The following ARL8B variants were observed in gnomAD, a reference collection of about 807,000 sequenced individuals.
ARL8B encodes ADP-ribosylation factor-like protein 8B.
In ARL8B, 9 loss-of-function variants were observed where a neutral mutation model predicts 30.6. That is an observed-to-expected ratio of 0.29 (90% CI 0.18 to 0.51). The LOEUF is 0.51. Ranked by LOEUF, ARL8B falls within the 20% of genes least tolerant of loss-of-function variation. The probability of loss-of-function intolerance (pLI) is 0.97; values close to 1 mark genes in which losing one functional copy is unlikely to be tolerated. For missense variants in ARL8B, 130 were observed against 227.2 expected (o/e 0.57, Z 2.75); for synonymous variants, 74 against 76.0 (o/e 0.97, Z 0.14).
At chr3:5,154,820 C>T (rs2054518043) in intron 1 of ARL8B, among the ~76,000 whole-genome samples, 1 of 152,224 alleles carries the variant, frequency 6.6e-6, no homozygotes, top group South Asian at 2.1e-4. Flanking sequence ...ATGTGATTCT[C>T]CTGTCTCAGC....
chr3:5,170,694 T>A, intron 2 of ARL8B, 111 bp downstream of exon 2: 1 of 690,646 alleles, frequency 1.4e-6, no homozygotes, highest in East Asian at 2.9e-5. Flanking sequence ...CAGTAATGAA[T>A]GTGCATGTTT....
At chr3:5,172,370 G>A (rs1473722587) in intron 3 of ARL8B, 147 bp downstream of exon 3, 3 of 726,602 alleles carry the variant, frequency 4.1e-6, no homozygotes, top group Non-Finnish European at 6.8e-6. Context: ...TCCCAACATG[G>A]GATTTAAAAA....
chr3:5,134,761 A>T lies in ARL8B; in HGVS notation c.123+12173A>T, dbSNP rs143525348. ...CTCATTTAGAGCAGTCTAATAATGG[A>T]TTTATAGTGCTCACAGATAGCAGTT... On this transcript the variant is annotated intron_variant, in intron 1 of 6. Coordinates refer to ENST00000256496, the MANE Select transcript of ARL8B (RefSeq NM_018184.3). Among the ~76,000 whole-genome samples the T allele has an allele frequency of 5.2e-3, 790 of 152,256 alleles. 11 individuals carry two copies. Among genetic ancestry groups the T allele is most frequent in the African/African-American group, 0.018 (739 of 41,540 alleles).
intron 1 of ARL8B, among the ~76,000 whole-genome samples, chr3:5,164,613 T>C (rs186877632): frequency 6.6e-6 from 1 of 152,350 alleles, no homozygotes; most frequent in East Asian, 1.9e-4. Flanking sequence ...TCTAAGTATG[T>C]AGTTTCTAAG....
intron 1 of ARL8B, among the ~76,000 whole-genome samples, chr3:5,168,831 C>A (rs974530617): frequency 3.9e-5 from 6 of 152,100 alleles, no homozygotes; most frequent in Non-Finnish European, 7.4e-5. Flanking sequence ...AGTTTGGTAC[C>A]TAAAAATTTT....
chr3:5,138,835 CGA>C (rs1260598099), intron 1 of ARL8B, among the ~76,000 whole-genome samples: 1 of 152,130 alleles, frequency 6.6e-6, no homozygotes, highest in African/African-American at 2.4e-5. Flanking sequence ...GAAACAATGT[CGA>C]AAGCACTGAC....
chr3:5,177,950 T>G (rs2054744420), intron 6 of ARL8B, among the ~76,000 whole-genome samples: 1 of 152,200 alleles, frequency 6.6e-6, no homozygotes, highest in African/African-American at 2.4e-5. Flanking sequence ...AGCTCAGCCC[T>G]GTGGTGTTTC....
intron 1 of ARL8B, among the ~76,000 whole-genome samples, chr3:5,128,048 C>T (rs1026469409): frequency 2.7e-5 from 4 of 146,458 alleles, no homozygotes; most frequent in South Asian, 2.2e-4. Context: ...ATTAGCCTGG[C>T]GTTACTCAGG....
At position 5,167,622 on chromosome 3, in the gene ARL8B, T is replaced by G. The variant is rs180948734; in HGVS notation, c.124-2881T>G. On this transcript the variant is annotated intron_variant, in intron 1 of 6. Coordinates refer to ENST00000256496, the MANE Select transcript of ARL8B (RefSeq NM_018184.3). ...AACAATGTGACTTTAGGCAAGTGAC[T>G]TAAGCTGACTTTGCCTTGTTTTTCT... Among the ~76,000 whole-genome samples, 109 of 152,348 alleles carry G rather than the reference T, an allele frequency of 7.2e-4. 1 individual carries two copies. The highest frequency in any genetic ancestry group is 3.4e-4 in the Non-Finnish European group (23 of 68,032).
chr3:5,125,906 C>A (rs2054226606), intron 1 of ARL8B, among the ~76,000 whole-genome samples: 1 of 151,976 alleles, frequency 6.6e-6, no homozygotes, highest in Non-Finnish European at 1.5e-5. Context: ...AAAAAAGTCA[C>A]AAAGATAAGG....
chr3:5,174,133 T>C, intron 5 of ARL8B, 49 bp downstream of exon 5: 7 of 1,503,360 alleles, frequency 4.7e-6, no homozygotes, highest in Non-Finnish European at 6.4e-6. Flanking sequence ...AATTACCATA[T>C]TTTGCCCACT....
chr3:5,179,348 T>C lies in ARL8B; in HGVS notation c.*635T>C, dbSNP rs149189748. The C allele has an allele frequency of 1.3e-5, 2 of 152,456 alleles. No homozygotes were observed. The highest frequency in any genetic ancestry group is 4.8e-5 in the African/African-American group (2 of 41,594). 9.4% of individuals were successfully genotyped at this position (152,456 alleles called of 1,614,324 possible). ...TTTGCACTGGTGAGATTCTGCCTGATGAATATTAAAGATATCCTGCTTTCT... is the reference window on the plus strand; with the variant it reads ...TTTGCACTGGTGAGATTCTGCCTGACGAATATTAAAGATATCCTGCTTTCT... On this transcript the variant is annotated 3_prime_UTR_variant, in exon 7 of 7. Transcript: ENST00000256496.
At position 5,172,733 on chromosome 3, in the gene ARL8B, G is replaced by A; in HGVS notation, c.365G>A (p.Gly122Glu). 3 of 1,592,528 alleles carry A rather than the reference G, an allele frequency of 1.9e-6. No homozygotes were observed. The highest frequency in any genetic ancestry group is 2.6e-6 in the Non-Finnish European group (3 of 1,162,396). Residue 122 changes from glycine (G) to glutamate (E), a missense_variant, in exon 4 of 7, where the codon GGA becomes GAA. Transcript: ENST00000256496. ...HNLLDKPQLQ[G>E]IPVLVLGNKR... ...CTTCTAGATAAACCACAGTTACAAG[G>A]AATTCCAGTAAGTATGGAATACTTG...
chr3:5,176,884 G>T lies in ARL8B; in HGVS notation c.512-1780G>T, dbSNP rs563645542. 1.1e-4 allele frequency among the ~76,000 whole-genome samples: 17 copies of T among 152,242 alleles called. 1 individual carries two copies. In the South Asian group the frequency reaches 3.5e-3, roughly 32 times the overall value. ...CTTGACAATGTCTGGAGACATTTTT[G>T]GTTGTCATAACTAGGAGGGTGATGC... On this transcript the variant is annotated intron_variant, in intron 6 of 6. Coordinates refer to ENST00000256496, the MANE Select transcript of ARL8B (RefSeq NM_018184.3).
At chr3:5,169,305 T>TTGTGTGTGTGTGTG (rs10575722) in intron 1 of ARL8B, among the ~76,000 whole-genome samples, 1 of 142,888 alleles carries the variant, frequency 7.0e-6, no homozygotes, top group Admixed American at 7.0e-5. Flanking sequence ...AATACAGTGT[T>TTGTGTGTGTGTGTG]TGTGTGTGTG....
At chr3:5,166,799 T>C (rs1408173574) in intron 1 of ARL8B, among the ~76,000 whole-genome samples, 1 of 152,244 alleles carries the variant, frequency 6.6e-6, no homozygotes, top group Non-Finnish European at 1.5e-5. Context: ...AGGTAAGTGC[T>C]GCAAAGTGGA....
In ARL8B at chr3:5,178,703, G is replaced by C; in HGVS notation, c.551G>C (p.Arg184Thr). Residue 184 changes from arginine (R) to threonine (T), a missense_variant, in exon 7 of 7, where the codon AGA becomes ACA. Arg to Thr is a moderately conservative substitution (Grantham distance 71). Coordinates refer to ENST00000256496, the MANE Select transcript of ARL8B (RefSeq NM_018184.3). ...LQWLIQHSKSRRS is the reference protein window; with the variant it reads ...LQWLIQHSKSTRS ...TGGCTTATTCAGCATTCAAAATCTA[G>C]AAGAAGCTGAAGCATCTCCTGAAGT... The C allele has an allele frequency of 6.2e-7, 1 of 1,611,704 alleles. No homozygotes were observed. The highest frequency in any genetic ancestry group is 8.5e-7 in the Non-Finnish European group (1 of 1,178,890).
chr3:5,158,056 G>T (rs189309286), intron 1 of ARL8B, among the ~76,000 whole-genome samples: 2 of 151,918 alleles, frequency 1.3e-5, no homozygotes, highest in South Asian at 2.1e-4. Flanking sequence ...GCTCACTGCA[G>T]CCTCCGCCTC....
At chr3:5,134,291 A>G (rs981196056) in intron 1 of ARL8B, among the ~76,000 whole-genome samples, 17 of 152,202 alleles carry the variant, frequency 1.1e-4, no homozygotes, top group Admixed American at 1.1e-3. Flanking sequence ...CTGTTGGGCT[A>G]TCTTGATTTA....
Sources: allele counts gnomAD v4.1 joint callset (sites outside exome capture counted in the v4.1 genomes callset), GRCh38; gene constraint gnomAD v4.1.1; transcripts MANE v1.5; gene names NCBI Gene and HGNC (gene_info 2026-07-23, HGNC 2026-07-21).